Variants in BCKDHB observed in about 807,000 individuals in gnomAD.
BCKDHB encodes the protein 2-oxoisovalerate dehydrogenase subunit beta, mitochondrial.
Under a neutral mutation model 48.5 loss-of-function variants are expected in BCKDHB, and 41 were observed. The ratio of observed to expected loss-of-function variants is 0.85; its 90% confidence interval spans 0.66 to 1.10. The LOEUF is 1.10. Among genes scored for constraint, BCKDHB ranks in the 50% least tolerant of loss-of-function variants. The probability of loss-of-function intolerance (pLI) is 0.00; values close to 1 mark genes in which losing one functional copy is unlikely to be tolerated. For missense variants in BCKDHB, 496 were observed against 494.2 expected (o/e 1.00, Z -0.03); for synonymous variants, 201 against 174.8 (o/e 1.15, Z -1.18).
At chr6:80,448,004 A>C in the BCKDHB span, among the ~76,000 whole-genome samples, 1 of 152,234 alleles carries the variant, frequency 6.6e-6, no homozygotes, top group Non-Finnish European at 1.5e-5. Context: ...AAGTAAAATT[A>C]ATAAAAATAA....
intron 8 of BCKDHB, among the ~76,000 whole-genome samples, chr6:80,224,843 T>G (rs947095896): frequency 1.6e-4 from 25 of 152,242 alleles, no homozygotes; most frequent in African/African-American, 5.5e-4. Flanking sequence ...GCACAGACTT[T>G]GGAAGCCACG....
At chr6:80,350,392 G>T (rs947059034), downstream of BCKDHB, among the ~76,000 whole-genome samples, 59 of 149,742 alleles carry the variant, frequency 3.9e-4, no homozygotes, top group Non-Finnish European at 4.0e-4. Context: ...AAAATAGTGG[G>T]TTTTTTTTTT....
intron 3 of BCKDHB, among the ~76,000 whole-genome samples, chr6:80,154,778 A>G (rs562007292): frequency 3.3e-5 from 5 of 152,282 alleles, no homozygotes; most frequent in South Asian, 4.1e-4. Context: ...TTGTTGAACT[A>G]TAAGATTGAT....
At chr6:80,385,747 C>T in the BCKDHB span, among the ~76,000 whole-genome samples, 3 of 152,138 alleles carry the variant, frequency 2.0e-5, no homozygotes, top group African/African-American at 7.2e-5. Flanking sequence ...ATAGTGTGAC[C>T]CATGAGGAGG....
intron 8 of BCKDHB, among the ~76,000 whole-genome samples, chr6:80,220,240 A>G (rs992247676): frequency 1.6e-4 from 23 of 141,410 alleles, no homozygotes; most frequent in Admixed American, 3.5e-4. Flanking sequence ...TTTTTTTTGA[A>G]TATTTCAATC....
chr6:80,279,133 G>A (rs1215584422), intron 9 of BCKDHB, among the ~76,000 whole-genome samples: 1 of 151,646 alleles, frequency 6.6e-6, no homozygotes. Context: ...CTTTTTGTTT[G>A]TTTGTTTGTT....
chr6:80,111,461 G>A (rs1769403478), intron 1 of BCKDHB, among the ~76,000 whole-genome samples: 1 of 152,132 alleles, frequency 6.6e-6, no homozygotes, highest in African/African-American at 2.4e-5. Context: ...TTTTTGGCAG[G>A]GGACTGGCAG....
chr6:80,160,694 AC>A lies in BCKDHB; in HGVS notation c.344-6983del, dbSNP rs374081674. ...AGAACTTCTTAATCATGCTCCCTTTACAAAAGAAGAACACTATTAGAAAGCG... is the reference window on the plus strand; with the variant it reads ...AGAACTTCTTAATCATGCTCCCTTTAAAAAGAAGAACACTATTAGAAAGCG... On this transcript the variant is annotated intron_variant, in intron 3 of 9. Transcript: ENST00000320393. 5.0e-4 allele frequency among the ~76,000 whole-genome samples: 76 copies of A among 152,274 alleles called. 2 individuals are homozygous for A. In the East Asian group the frequency reaches 0.012, roughly 24 times the overall value.
chr6:80,193,877 T>G (rs1774016434), intron 6 of BCKDHB, among the ~76,000 whole-genome samples: 1 of 152,222 alleles, frequency 6.6e-6, no homozygotes, highest in Non-Finnish European at 1.5e-5. Context: ...AATTTACATC[T>G]TCACATATTC....
At chr6:80,110,207 C>G (rs1301721491) in intron 1 of BCKDHB, among the ~76,000 whole-genome samples, 1 of 152,110 alleles carries the variant, frequency 6.6e-6, no homozygotes, top group Non-Finnish European at 1.5e-5. Flanking sequence ...TCTCCATGCC[C>G]CTGATTCTTG....
chr6:80,436,491 C>A, the BCKDHB span, among the ~76,000 whole-genome samples: 1 of 152,062 alleles, frequency 6.6e-6, no homozygotes, highest in Non-Finnish European at 1.5e-5. Context: ...TACCCTATGG[C>A]ATTTACCCAT....
chr6:80,220,045 A>G (rs1251553730), intron 8 of BCKDHB, among the ~76,000 whole-genome samples: 1 of 152,032 alleles, frequency 6.6e-6, no homozygotes, highest in Non-Finnish European at 1.5e-5. Flanking sequence ...TTCCTCTGGG[A>G]ATGGCCTACA....
intron 5 of BCKDHB, chr6:80,169,967 G>C: frequency 1.5e-6 from 2 of 1,326,650 alleles, no homozygotes; most frequent in Non-Finnish European, 1.9e-6. Context: ...ACATTATATT[G>C]TTTTTAAGAA....
intron 9 of BCKDHB, among the ~76,000 whole-genome samples, chr6:80,283,233 G>C (rs1283960260): frequency 2.6e-5 from 4 of 152,024 alleles, no homozygotes; most frequent in Non-Finnish European, 5.9e-5. Context: ...GACATTACTA[G>C]CATGTAATTG....
chr6:80,123,534 G>A (rs1311066808), intron 1 of BCKDHB, among the ~76,000 whole-genome samples: 3 of 152,034 alleles, frequency 2.0e-5, no homozygotes, highest in Admixed American at 6.6e-5. Flanking sequence ...GACTTTTTTT[G>A]GTTGGTAGGC....
the BCKDHB span, among the ~76,000 whole-genome samples, chr6:80,464,781 G>A: frequency 1.3e-5 from 2 of 152,212 alleles, no homozygotes; most frequent in African/African-American, 4.8e-5. Context: ...TGAAGATAGA[G>A]CCTCAGGTAA....
intron 6 of BCKDHB, among the ~76,000 whole-genome samples, chr6:80,199,088 G>A (rs1774262091): frequency 6.6e-6 from 1 of 152,174 alleles, no homozygotes; most frequent in Non-Finnish European, 1.5e-5. Flanking sequence ...AGAGTCTGCT[G>A]TGGGTGCATT....
chr6:80,154,150 A>G (rs1489501765), intron 3 of BCKDHB, among the ~76,000 whole-genome samples: 2 of 152,140 alleles, frequency 1.3e-5, no homozygotes, highest in African/African-American at 4.8e-5. Context: ...CCTCTCCTCT[A>G]ATAGCATTTT....
chr6:80,140,417 T>C (rs1336493726), intron 3 of BCKDHB, among the ~76,000 whole-genome samples: 1 of 152,184 alleles, frequency 6.6e-6, no homozygotes, highest in Non-Finnish European at 1.5e-5. Context: ...TTTTGTCCAT[T>C]CAGTATGATA....
Sources: gnomAD v4.1 joint callset for allele counts (sites outside exome capture counted in the v4.1 genomes callset) on GRCh38, gnomAD v4.1.1 for gene constraint, MANE v1.5 for transcripts, NCBI Gene and HGNC (gene_info 2026-07-23, HGNC 2026-07-21) for gene names.